RPS6KA2: variants seen among roughly 807,000 people sequenced by gnomAD.
RPS6KA2 encodes the protein ribosomal protein S6 kinase alpha-2.
A neutral mutation model predicts 91.8 loss-of-function variants in RPS6KA2; 42 were observed. The observed-to-expected ratio is 0.46, with a 90% CI of 0.36 to 0.59. RPS6KA2 has a LOEUF of 0.59. RPS6KA2 is among the 20% of genes least tolerant of loss of function. The probability of loss-of-function intolerance (pLI) is 0.00; values close to 1 mark genes in which losing one functional copy is unlikely to be tolerated. For synonymous variants in RPS6KA2, 414 were observed against 393.6 expected, an observed-to-expected ratio of 1.05 and a Z score of -0.61; for missense variants, 798 against 978.5, an observed-to-expected ratio of 0.82 and a Z score of 2.46.
intron 9 of RPS6KA2, 122 bp from the exon 10 acceptor site, chr6:166,489,043 A>G (rs2128473341): frequency 2.6e-6 from 2 of 767,884 alleles, no homozygotes. Flanking sequence ...GTGCTCTACC[A>G]CGTGGGTCTT....
At chr6:166,584,011 G>A (rs764946360) in intron 1 of RPS6KA2, among the ~76,000 whole-genome samples, 21 of 152,238 alleles carry the variant, frequency 1.4e-4, no homozygotes, top group African/African-American at 4.3e-4. Flanking sequence ...GGTAGGCCAG[G>A]TGTGCAACGA....
intron 2 of RPS6KA2, among the ~76,000 whole-genome samples, chr6:166,812,311 G>A (rs4710109): frequency 0.22 from 34,108 of 151,912 alleles, 4,897 homozygotes; most frequent in African/African-American, 0.41. Flanking sequence ...AGCCAAGATC[G>A]TGCTGCTGCA....
chr6:166,809,918 A>G (rs1437272743), intron 2 of RPS6KA2, among the ~76,000 whole-genome samples: 3 of 152,240 alleles, frequency 2.0e-5, no homozygotes, highest in African/African-American at 7.2e-5. Context: ...ATGAACAGGC[A>G]TGATGTATTA....
At chr6:166,766,555 C>G (rs1251674710) in intron 2 of RPS6KA2, among the ~76,000 whole-genome samples, 1 of 152,176 alleles carries the variant, frequency 6.6e-6, no homozygotes, top group Non-Finnish European at 1.5e-5. Flanking sequence ...TGGGCTATAG[C>G]TGAATATGAT....
chr6:166,776,604 G>A lies in RPS6KA2; in HGVS notation c.123+81596C>T, dbSNP rs955888033. Among the ~76,000 whole-genome samples, 8 of 152,266 alleles carry A rather than the reference G, an allele frequency of 5.3e-5. No homozygotes were observed. The East Asian group carries it at 7.7e-4, about 15-fold the overall frequency. ...CCCAGTCCCTGGCAACCAGCAATCC[G>A]TGCCGTCTCTGTGGGTTCACCTGCT... is the stretch of plus-strand genomic sequence containing the variant. On this transcript the variant is annotated intron_variant, in intron 2 of 21. Coordinates refer to the RPS6KA2 transcript ENST00000503859.
At chr6:166,532,318 C>A (rs1397675241) in intron 2 of RPS6KA2, among the ~76,000 whole-genome samples, 1 of 152,236 alleles carries the variant, frequency 6.6e-6, no homozygotes, top group Non-Finnish European at 1.5e-5. Context: ...TGGCTCCCCC[C>A]CAAGACTGGA....
At chr6:166,496,711 G>C (rs1781798405) in intron 8 of RPS6KA2, among the ~76,000 whole-genome samples, 1 of 152,228 alleles carries the variant, frequency 6.6e-6, no homozygotes, top group African/African-American at 2.4e-5. Context: ...TGAGCCCAGA[G>C]TTATAGGACA....
At chr6:166,540,670 C>T (rs1244713005) in intron 1 of RPS6KA2, among the ~76,000 whole-genome samples, 1 of 152,178 alleles carries the variant, frequency 6.6e-6, no homozygotes, top group Non-Finnish European at 1.5e-5. Context: ...ATTTTAAGCC[C>T]TTCCTCCCTT....
intron 2 of RPS6KA2, among the ~76,000 whole-genome samples, chr6:166,816,640 A>C (rs956073025): frequency 1.3e-5 from 2 of 152,198 alleles, no homozygotes; most frequent in Admixed American, 1.3e-4. Context: ...CTTTGAAAAA[A>C]CATATAAGTA....
chr6:166,671,036 C>T (rs1788458555), intron 2 of RPS6KA2, among the ~76,000 whole-genome samples: 1 of 152,146 alleles, frequency 6.6e-6, no homozygotes, highest in South Asian at 2.1e-4. Flanking sequence ...TGGTCTTAAA[C>T]TCCTGTCCTG....
Position 166,423,171 on chromosome 6 carries a change from G to A in RPS6KA2, c.1743+85C>T, listed in dbSNP as rs1285115915. 5.7e-6 allele frequency: 8 copies of A among 1,407,430 alleles called. No homozygotes were observed. Among genetic ancestry groups the A allele is most frequent in the East Asian group, 2.4e-5 (1 of 42,094 alleles). The allele number at this position is 1,407,430 out of a possible 1,614,324, so 87.2% of individuals were successfully genotyped here. ...AGCTCAAGCCGCCTCTGACATCCCCGCTGTCCGGTGGCTCTGCAGTGGGAG... is the reference window on the plus strand; with the variant it reads ...AGCTCAAGCCGCCTCTGACATCCCCACTGTCCGGTGGCTCTGCAGTGGGAG... On this transcript the variant is annotated intron_variant, in intron 17 of 20. Transcript: ENST00000265678. The surrounding 1 kb of genome is among the most constrained non-coding windows in gnomAD (Gnocchi z 4.8).
chr6:166,547,990 A>G (rs1166914329), intron 1 of RPS6KA2, among the ~76,000 whole-genome samples: 1 of 152,280 alleles, frequency 6.6e-6, no homozygotes, highest in African/African-American at 2.4e-5. Context: ...ATTATTTATA[A>G]CAGTGAAGAA....
intron 10 of RPS6KA2, among the ~76,000 whole-genome samples, chr6:166,478,134 G>C (rs923919945): frequency 2.0e-5 from 3 of 152,236 alleles, no homozygotes; most frequent in Non-Finnish European, 4.4e-5. Context: ...GACTGCGGCA[G>C]CTCGGCTGGG....
chr6:166,517,450 GTTTTGTTTTTTTTTT>G (rs1782686664), intron 3 of RPS6KA2, among the ~76,000 whole-genome samples: 1 of 83,798 alleles, frequency 1.2e-5, no homozygotes. Flanking sequence ...GCGTTCTTTT[GTTTTGTTTTTTTTTT>G]TTTTTTTTTT....
intron 2 of RPS6KA2, among the ~76,000 whole-genome samples, chr6:166,641,212 A>G (rs1319225070): frequency 1.3e-5 from 2 of 152,178 alleles, no homozygotes; most frequent in African/African-American, 2.4e-5. Flanking sequence ...ACTGTGGGCA[A>G]GAGTCAGCAG....
At chr6:166,685,252 G>A (rs1318536046) in intron 2 of RPS6KA2, among the ~76,000 whole-genome samples, 8 of 149,822 alleles carry the variant, frequency 5.3e-5, no homozygotes, top group Admixed American at 4.0e-4. Context: ...GACAGAGGCC[G>A]AGGAAAGCTC....
intron 2 of RPS6KA2, among the ~76,000 whole-genome samples, chr6:166,809,356 A>C (rs1779574137): frequency 6.6e-6 from 1 of 152,246 alleles, no homozygotes; most frequent in African/African-American, 2.4e-5. Context: ...ACAATATCAA[A>C]ATCTAGGGGT....
At chr6:166,823,360 T>A (rs1779951012) in intron 2 of RPS6KA2, among the ~76,000 whole-genome samples, 1 of 152,030 alleles carries the variant, frequency 6.6e-6, no homozygotes, top group South Asian at 2.1e-4. Flanking sequence ...AGATAACTGG[T>A]GAAAGTCAAA....
At position 166,495,233 on chromosome 6, in the gene RPS6KA2, G is replaced by C. The variant is rs934979531; in HGVS notation, c.747+3275C>G. 6.6e-6 allele frequency among the ~76,000 whole-genome samples: 1 copy of C among 152,212 alleles called. No individual in the cohort carries two copies. The highest frequency in any genetic ancestry group is 2.4e-5 in the African/African-American group (1 of 41,448). ...GGAGATTGTTGGGTTGAGATCAAAT[G>C]TGAAGATGGCCAGGCAGCCTTAGCT... On this transcript the variant is annotated intron_variant, in intron 8 of 20. Transcript: ENST00000265678. The surrounding 1 kb of genome is among the most constrained non-coding windows in gnomAD (Gnocchi z 4.4).
Sources: gnomAD v4.1 joint callset for allele counts (sites outside exome capture counted in the v4.1 genomes callset) on GRCh38, gnomAD v4.1.1 for gene constraint, Gnocchi (gnomAD v3.1) non-coding constraint, MANE v1.5 for transcripts, NCBI Gene and HGNC (gene_info 2026-07-23, HGNC 2026-07-21) for gene names.